The following TENM2 variants were observed in gnomAD, a reference collection of about 807,000 sequenced individuals.
TENM2 encodes teneurin transmembrane protein 2.
In TENM2, 52 loss-of-function variants were observed where a neutral mutation model predicts 245.2. The ratio of observed to expected loss-of-function variants is 0.21; its 90% CI spans 0.17 to 0.27. The LOEUF (loss-of-function observed/expected upper bound fraction) is 0.27, where lower values mean the gene tolerates loss of function less well. TENM2 is among the 10% of genes least tolerant of loss of function. The probability of loss-of-function intolerance (pLI) is 1.00; values close to 1 mark genes in which losing one functional copy is unlikely to be tolerated. For missense variants in TENM2, 3,046 were observed against 3,666.8 expected (o/e 0.83, Z 4.37); for synonymous variants, 1,363 against 1,438.9 (o/e 0.95, Z 1.19).
intron 2 of TENM2, among the ~76,000 whole-genome samples, chr5:167,428,701 TA>T (rs1764029835): frequency 6.6e-6 from 1 of 152,184 alleles, no homozygotes; most frequent in African/African-American, 2.4e-5. Context: ...CTTGTTTTAG[TA>T]TATAACTCTG....
At chr5:167,878,560 C>T (rs1305058049) in intron 3 of TENM2, among the ~76,000 whole-genome samples, 6 of 126,908 alleles carry the variant, frequency 4.7e-5, no homozygotes, top group South Asian at 3.2e-4. Flanking sequence ...TTCGAGTATG[C>T]GTGTGCTCAC....
At chr5:167,245,195 T>C in the TENM2 span, among the ~76,000 whole-genome samples, 2 of 152,180 alleles carry the variant, frequency 1.3e-5, no homozygotes, top group African/African-American at 4.8e-5. Context: ...ATATTTGTAA[T>C]GTCAAGAGAG....
At chr5:167,027,806 C>G in the TENM2 span, among the ~76,000 whole-genome samples, 1 of 151,980 alleles carries the variant, frequency 6.6e-6, no homozygotes, top group African/African-American at 2.4e-5. Context: ...GGGCTGGGTG[C>G]GGTGGCTCAT....
At chr5:167,220,600 C>T in the TENM2 span, among the ~76,000 whole-genome samples, 1 of 152,104 alleles carries the variant, frequency 6.6e-6, no homozygotes, top group Non-Finnish European at 1.5e-5. Flanking sequence ...TTCTGCATCA[C>T]GTATAGGTGC....
At chr5:167,353,059 C>A (rs540519414) in intron 1 of TENM2, among the ~76,000 whole-genome samples, 3 of 152,174 alleles carry the variant, frequency 2.0e-5, no homozygotes, top group African/African-American at 7.2e-5. Flanking sequence ...TATTTATGAG[C>A]GGTTTACTTT....
chr5:167,710,000 G>A (rs1322040652), intron 2 of TENM2, among the ~76,000 whole-genome samples: 2 of 152,090 alleles, frequency 1.3e-5, no homozygotes, highest in Non-Finnish European at 2.9e-5. Context: ...ATAAGTTGAG[G>A]GGAATCATTA....
the TENM2 span, among the ~76,000 whole-genome samples, chr5:167,086,921 ACACACACG>A: frequency 0.32 from 36,270 of 113,864 alleles, 4,726 homozygotes; most frequent in Non-Finnish European, 0.36. Flanking sequence ...AAACTCTAAC[ACACACACG>A]CACACACACA....
At chr5:167,273,211 A>G in the TENM2 span, among the ~76,000 whole-genome samples, 2 of 152,176 alleles carry the variant, frequency 1.3e-5, no homozygotes, top group East Asian at 3.9e-4. Context: ...TAGGCAACTG[A>G]TGAAGAAAGC....
intron 2 of TENM2, among the ~76,000 whole-genome samples, chr5:167,606,446 C>T (rs1202793766): frequency 6.6e-6 from 1 of 151,998 alleles, no homozygotes; most frequent in Non-Finnish European, 1.5e-5. Flanking sequence ...CTTTCTGGTC[C>T]CTTCTTACAA....
intron 2 of TENM2, among the ~76,000 whole-genome samples, chr5:167,709,825 G>A (rs897628980): frequency 1.2e-4 from 18 of 152,152 alleles, no homozygotes; most frequent in African/African-American, 3.4e-4. Flanking sequence ...GTGAGAGAGT[G>A]TGGGAGGAAA....
At chr5:168,123,563 T>G (rs1328515595) in intron 10 of TENM2, among the ~76,000 whole-genome samples, 1 of 152,218 alleles carries the variant, frequency 6.6e-6, no homozygotes, top group Admixed American at 6.5e-5. Flanking sequence ...TTAATAACAC[T>G]GTCAGCGTGG....
At chr5:168,090,542 C>A in intron 7 of TENM2, 32 bp from the exon 10 acceptor site, 1 of 1,596,734 alleles carries the variant, frequency 6.3e-7, no homozygotes, top group Non-Finnish European at 8.5e-7. Context: ...CACACCTTGT[C>A]TCATGCATGG....
chr5:167,369,548 A>G (rs1760278736), intron 1 of TENM2, among the ~76,000 whole-genome samples: 1 of 152,050 alleles, frequency 6.6e-6, no homozygotes, highest in Admixed American at 6.6e-5. Flanking sequence ...ACTTTCTGCT[A>G]TCAGCAAGTA....
chr5:167,406,287 C>T (rs1239975718), intron 2 of TENM2, among the ~76,000 whole-genome samples: 3 of 152,300 alleles, frequency 2.0e-5, no homozygotes, highest in South Asian at 2.1e-4. Flanking sequence ...AAATCAGCTG[C>T]TGCTTCTTTA....
the TENM2 span, among the ~76,000 whole-genome samples, chr5:167,171,963 G>A: frequency 3.3e-5 from 5 of 152,228 alleles, no homozygotes; most frequent in South Asian, 1.0e-3. Context: ...TTGGCACTTG[G>A]GAATGTGATA....
the TENM2 span, among the ~76,000 whole-genome samples, chr5:167,183,946 C>T: frequency 6.6e-6 from 1 of 152,144 alleles, no homozygotes; most frequent in Non-Finnish European, 1.5e-5. Flanking sequence ...TTCTTCTTGA[C>T]TTAGAAAAAG....
chr5:168,151,411 G>A (rs1227666374), intron 12 of TENM2, among the ~76,000 whole-genome samples: 1 of 152,068 alleles, frequency 6.6e-6, no homozygotes, highest in Non-Finnish European at 1.5e-5. Context: ...CCTAAACCAC[G>A]CACAGACCTT....
At chr5:168,026,419 C>T (rs76603748) in intron 5 of TENM2, among the ~76,000 whole-genome samples, 3,628 of 152,230 alleles carry the variant, frequency 0.024, 137 homozygotes, top group African/African-American at 0.077. Context: ...AGAGAGAAAT[C>T]CTGAAAGTGA....
At chr5:168,183,077 G>T (rs1488868489) in intron 13 of TENM2, among the ~76,000 whole-genome samples, 2 of 151,964 alleles carry the variant, frequency 1.3e-5, no homozygotes, top group East Asian at 1.9e-4. Flanking sequence ...TGATCCACCC[G>T]CCTCGGCTTC....
Sources: allele counts gnomAD v4.1 joint callset (sites outside exome capture counted in the v4.1 genomes callset), GRCh38; gene constraint gnomAD v4.1.1; transcripts MANE v1.5; gene names NCBI Gene and HGNC (gene_info 2026-07-23, HGNC 2026-07-21).